The following IL15 variants were observed in gnomAD, a reference collection of about 807,000 sequenced individuals.
The protein encoded by IL15 is interleukin-15.
Under a neutral mutation model 19.6 loss-of-function variants are expected in IL15, and 11 were observed. That is an observed-to-expected ratio of 0.56 (90% CI 0.35 to 0.93). IL15 has a LOEUF of 0.93. Among genes scored for constraint, IL15 ranks in the 40% least tolerant of loss-of-function variants. The pLI is 0.01. For synonymous variants in IL15, 58 were observed against 59.6 expected, an observed-to-expected ratio of 0.97 and a Z score of 0.12; for missense variants, 197 against 186.5, an observed-to-expected ratio of 1.06 and a Z score of -0.33.
chr4:141,683,342 G>A (rs1418120156), intron 2 of IL15, among the ~76,000 whole-genome samples: 5 of 152,012 alleles, frequency 3.3e-5, no homozygotes, highest in Non-Finnish European at 7.4e-5. Flanking sequence ...AGGGCAAGGT[G>A]GGTGGATTGC....
intron 2 of IL15, among the ~76,000 whole-genome samples, chr4:141,678,843 G>A (rs780109856): frequency 9.2e-5 from 14 of 152,216 alleles, no homozygotes; most frequent in East Asian, 1.9e-4. Flanking sequence ...CTTGTGATCC[G>A]CCTGCCCAGG....
intron 5 of IL15, 38 bp from the exon 6 acceptor site, chr4:141,727,902 C>T (rs1441826675): frequency 2.4e-6 from 2 of 837,328 alleles, no homozygotes; most frequent in Non-Finnish European, 4.0e-6. Flanking sequence ...TAAAGCAGGG[C>T]ATAGTTTTTA....
At chr4:141,676,581 TAGAA>T (rs1192358833) in intron 2 of IL15, among the ~76,000 whole-genome samples, 2 of 152,152 alleles carry the variant, frequency 1.3e-5, no homozygotes, top group African/African-American at 4.8e-5. Context: ...AGAGCCCTGA[TAGAA>T]AGGACATCAT....
intron 2 of IL15, among the ~76,000 whole-genome samples, chr4:141,698,589 A>C (rs1560925637): frequency 6.6e-6 from 1 of 151,924 alleles, no homozygotes; most frequent in Non-Finnish European, 1.5e-5. Flanking sequence ...TCAGGAATTT[A>C]TCAATTTCCT....
intron 2 of IL15, among the ~76,000 whole-genome samples, chr4:141,659,026 A>T (rs1727701336): frequency 6.6e-6 from 1 of 150,694 alleles, no homozygotes; most frequent in African/African-American, 2.4e-5. Context: ...CGCCTGGCTA[A>T]TTTTTTTTGT....
intron 2 of IL15, among the ~76,000 whole-genome samples, chr4:141,674,210 A>G (rs1050852164): frequency 1.3e-5 from 2 of 152,200 alleles, no homozygotes. Flanking sequence ...ACTGAAGTGT[A>G]GCATGTATAC....
At chr4:141,727,792 G>C in intron 5 of IL15, 148 bp from the exon 6 acceptor site, 1 of 590,184 alleles carries the variant, frequency 1.7e-6, no homozygotes, top group African/African-American at 1.9e-5. Flanking sequence ...GGATCTCTCT[G>C]TATTTACTCT....
chr4:141,707,751 G>A (rs151233102), intron 2 of IL15, among the ~76,000 whole-genome samples: 1,808 of 152,304 alleles, frequency 0.012, 21 homozygotes, highest in Non-Finnish European at 0.018. Context: ...GGAGCACTGG[G>A]TTGGTTTTCA....
rs114317062 is a variant in IL15, at chr4:141,662,680, C to G, written c.-100+6373C>G. ...AGTTCATTTTTATTTAATGTAATTA[C>G]CGATGTATTTGTGTTTGTATTCATC... is the stretch of plus-strand genomic sequence containing the variant. On this transcript the variant is annotated intron_variant, in intron 2 of 7. Coordinates refer to ENST00000320650, the MANE Select transcript of IL15 (RefSeq NM_000585.5). Among the ~76,000 whole-genome samples, 476 of 152,188 alleles carry G rather than the reference C, an allele frequency of 3.1e-3. 1 individual carries two copies. Among genetic ancestry groups the G allele is most frequent in the African/African-American group, 0.01 (427 of 41,528 alleles).
rs1208685694 is a variant in IL15, at chr4:141,719,416, C to T, written c.-49C>T. 1 of 796,900 alleles carries T rather than the reference C, an allele frequency of 1.3e-6. No individual in the cohort carries two copies. 49.4% of individuals were successfully genotyped at this position (796,900 alleles called of 1,614,324 possible). A position where few individuals can be genotyped will look rare whatever the true frequency, so the allele number is the denominator to read the frequency against. ...TGGATGGCTGCTGGAAACCCCTTGC[C>T]ATAGCCAGCTCTTCTTCAATACTTA... On this transcript the variant is annotated 5_prime_UTR_variant, in exon 3 of 8. Transcript: ENST00000320650.
chr4:141,660,341 C>T (rs1442250583), intron 2 of IL15, among the ~76,000 whole-genome samples: 1 of 152,282 alleles, frequency 6.6e-6, no homozygotes, highest in East Asian at 1.9e-4. Flanking sequence ...TCACTCAAGG[C>T]CCCTCCTCTT....
At chr4:141,676,354 G>T (rs1728341660) in intron 2 of IL15, among the ~76,000 whole-genome samples, 1 of 152,172 alleles carries the variant, frequency 6.6e-6, no homozygotes, top group Non-Finnish European at 1.5e-5. Flanking sequence ...TTTTATCAGT[G>T]CTTTGTCAGG....
chr4:141,647,964 G>A (rs1727285832), intron 1 of IL15, among the ~76,000 whole-genome samples: 1 of 152,022 alleles, frequency 6.6e-6, no homozygotes, highest in Admixed American at 6.6e-5. Context: ...GGAGTTGGAA[G>A]GGCTGAAGTT....
In IL15 at chr4:141,731,624, C is replaced by G. The variant is rs139216302; in HGVS notation, c.379-1114C>G. Among the ~76,000 whole-genome samples, 717 of 152,160 alleles carry G rather than the reference C, an allele frequency of 4.7e-3. 6 individuals carry two copies. The highest frequency in any genetic ancestry group is 0.016 in the African/African-American group (649 of 41,492). ...GGGCAGGACTGCACAGTCAGAAGACCTGGATGGGAAGAATTTCAGTTGATT... is the reference window on the plus strand; with the variant it reads ...GGGCAGGACTGCACAGTCAGAAGACGTGGATGGGAAGAATTTCAGTTGATT... On this transcript the variant is annotated intron_variant, in intron 7 of 7. Transcript: ENST00000320650.
chr4:141,684,723 G>A (rs901204555), intron 2 of IL15, among the ~76,000 whole-genome samples: 2 of 151,894 alleles, frequency 1.3e-5, no homozygotes, highest in African/African-American at 4.8e-5. Context: ...CCCATTCCAA[G>A]GCCTTCTCCA....
chr4:141,691,403 C>A (rs1040761229), intron 2 of IL15, among the ~76,000 whole-genome samples: 6 of 152,282 alleles, frequency 3.9e-5, no homozygotes, highest in Non-Finnish European at 7.3e-5. Context: ...CTTCCCAACA[C>A]TCCCCCAATG....
chr4:141,685,516 G>A (rs572293567), intron 2 of IL15, among the ~76,000 whole-genome samples: 3 of 151,986 alleles, frequency 2.0e-5, no homozygotes, highest in Non-Finnish European at 2.9e-5. Flanking sequence ...GCATTTTTTG[G>A]CCTCAGCTCC....
intron 5 of IL15, among the ~76,000 whole-genome samples, chr4:141,725,949 G>A (rs926526704): frequency 3.3e-5 from 5 of 152,118 alleles, no homozygotes; most frequent in African/African-American, 1.2e-4. Context: ...GTCCAGAGGT[G>A]ACAAAAAGCA....
At chr4:141,639,387 T>C (rs1238273820) in intron 1 of IL15, among the ~76,000 whole-genome samples, 1 of 152,242 alleles carries the variant, frequency 6.6e-6, no homozygotes, top group Non-Finnish European at 1.5e-5. Flanking sequence ...AAAGATTATC[T>C]TTATAATCAA....
Sources: allele counts gnomAD v4.1 joint callset (sites outside exome capture counted in the v4.1 genomes callset), GRCh38; gene constraint gnomAD v4.1.1; transcripts MANE v1.5; gene names NCBI Gene and HGNC (gene_info 2026-07-23, HGNC 2026-07-21).